Variants in PPM1H observed in about 807,000 individuals in gnomAD.
PPM1H encodes the protein protein phosphatase 1H.
PPM1H carries 27 observed loss-of-function variants against 54.9 expected under a neutral mutation model. That is an observed-to-expected ratio of 0.49 (90% CI 0.36 to 0.68). PPM1H has a LOEUF of 0.68. PPM1H is among the 30% of genes least tolerant of loss of function. The pLI is 0.00. For synonymous variants in PPM1H, 305 were observed against 270.8 expected (o/e 1.13, Z -1.24); for missense variants, 596 against 667.8 (o/e 0.89, Z 1.19).
intron 6 of PPM1H, among the ~76,000 whole-genome samples, chr12:62,700,920 T>C (rs938754601): frequency 6.6e-6 from 1 of 152,196 alleles, no homozygotes; most frequent in Non-Finnish European, 1.5e-5. Flanking sequence ...CTTTCCTGCT[T>C]TATTTTTTTT....
intron 2 of PPM1H, among the ~76,000 whole-genome samples, chr12:62,803,423 G>T (rs1002171127): frequency 5.3e-5 from 8 of 152,100 alleles, no homozygotes; most frequent in African/African-American, 1.9e-4. Flanking sequence ...CTTTGACAAG[G>T]GTACCAAGAA....
intron 2 of PPM1H, among the ~76,000 whole-genome samples, chr12:62,821,383 C>A (rs139262625): frequency 0.017 from 2,630 of 152,242 alleles, 86 homozygotes; most frequent in African/African-American, 0.06. Flanking sequence ...CCCAGCCTAG[C>A]AAGGCAGGCC....
At chr12:62,762,589 C>T (rs967600664) in intron 4 of PPM1H, among the ~76,000 whole-genome samples, 3 of 152,196 alleles carry the variant, frequency 2.0e-5, no homozygotes, top group Non-Finnish European at 4.4e-5. Flanking sequence ...GTGGAGGGTG[C>T]TAGGGGGAGG....
In PPM1H at chr12:62,724,942, G is replaced by T. The variant is rs890200955; in HGVS notation, c.955-4653C>A. 6.6e-5 allele frequency among the ~76,000 whole-genome samples: 10 copies of T among 152,148 alleles called. No individual in the cohort carries two copies. In the East Asian group the frequency reaches 1.7e-3, roughly 26 times the overall value. Reference sequence around the variant, plus strand: ...TCATCATTTTTCAACTCTGAATCATGTATGTTCATAATTTTCCACACAGAA... The same window carrying T: ...TCATCATTTTTCAACTCTGAATCATTTATGTTCATAATTTTCCACACAGAA... On this transcript the variant is annotated intron_variant, in intron 5 of 9. Transcript: ENST00000228705.
chr12:62,650,823 A>G (rs1415982358), intron 9 of PPM1H, among the ~76,000 whole-genome samples: 1 of 152,134 alleles, frequency 6.6e-6, no homozygotes, highest in Non-Finnish European at 1.5e-5. Flanking sequence ...CTCGGTCCCC[A>G]TGATCTAATT....
intron 1 of PPM1H, among the ~76,000 whole-genome samples, chr12:62,930,615 C>T (rs1872102923): frequency 6.6e-6 from 1 of 152,096 alleles, no homozygotes; most frequent in Non-Finnish European, 1.5e-5. Context: ...GAAAAAAAGC[C>T]AAAATGGGTT....
At chr12:62,703,530 C>T (rs74098812) in intron 6 of PPM1H, among the ~76,000 whole-genome samples, 5,714 of 151,942 alleles carry the variant, frequency 0.038, 320 homozygotes, top group African/African-American at 0.13. Flanking sequence ...GGGAGGAGGC[C>T]GGAGCACAGA....
At chr12:62,815,438 A>T (rs2076860868) in intron 2 of PPM1H, among the ~76,000 whole-genome samples, 1 of 152,204 alleles carries the variant, frequency 6.6e-6, no homozygotes, top group Non-Finnish European at 1.5e-5. Flanking sequence ...AGGAAGTACA[A>T]AGTTTATAAC....
intron 4 of PPM1H, among the ~76,000 whole-genome samples, chr12:62,743,685 T>C (rs751485356): frequency 2.0e-5 from 3 of 151,538 alleles, no homozygotes; most frequent in Non-Finnish European, 4.4e-5. Context: ...AGGACTGACA[T>C]GTGCCAACAG....
At chr12:62,693,378 A>C (rs1345079197) in intron 7 of PPM1H, among the ~76,000 whole-genome samples, 1 of 152,198 alleles carries the variant, frequency 6.6e-6, no homozygotes, top group Non-Finnish European at 1.5e-5. Flanking sequence ...GTCTAATTAC[A>C]GTGACGCTTT....
intron 1 of PPM1H, among the ~76,000 whole-genome samples, chr12:62,920,364 T>C (rs1246194613): frequency 3.9e-5 from 6 of 152,174 alleles, no homozygotes; most frequent in Admixed American, 3.9e-4. Context: ...TCTCACTCTG[T>C]CACCCAAGCT....
chr12:62,680,069 T>A (rs2076010432), intron 8 of PPM1H, among the ~76,000 whole-genome samples: 1 of 152,114 alleles, frequency 6.6e-6, no homozygotes, highest in Admixed American at 6.5e-5. Context: ...TGGATCCAAT[T>A]CCCCTAACTT....
chr12:62,931,918 C>T (rs1872147941), intron 1 of PPM1H, among the ~76,000 whole-genome samples: 2 of 152,066 alleles, frequency 1.3e-5, no homozygotes, highest in East Asian at 3.9e-4. Context: ...TGTGAAAATG[C>T]TACAGAATAA....
chr12:62,786,301 C>A (rs1430036882), intron 4 of PPM1H, among the ~76,000 whole-genome samples: 1 of 152,234 alleles, frequency 6.6e-6, no homozygotes, highest in Non-Finnish European at 1.5e-5. Context: ...CCATAGATTC[C>A]TGTCTTTGAA....
intron 1 of PPM1H, among the ~76,000 whole-genome samples, chr12:62,868,138 G>A (rs1295313612): frequency 6.6e-6 from 1 of 152,178 alleles, no homozygotes; most frequent in Non-Finnish European, 1.5e-5. Flanking sequence ...CCTGCAGTGT[G>A]CTACCAAGGA....
chr12:62,853,224 T>G (rs745337021), intron 1 of PPM1H, among the ~76,000 whole-genome samples: 17 of 151,874 alleles, frequency 1.1e-4, no homozygotes, highest in Non-Finnish European at 2.1e-4. Flanking sequence ...GTTAGATAAT[T>G]TAAAAGGATT....
At chr12:62,728,695 C>A (rs77780830) in intron 5 of PPM1H, among the ~76,000 whole-genome samples, 7,358 of 152,194 alleles carry the variant, frequency 0.048, 249 homozygotes, top group Non-Finnish European at 0.074. Context: ...TGAGCTCCAC[C>A]TTCCTGGGCT....
intron 3 of PPM1H, among the ~76,000 whole-genome samples, chr12:62,800,929 G>A (rs2076764596): frequency 6.6e-6 from 1 of 152,154 alleles, no homozygotes; most frequent in South Asian, 2.1e-4. Context: ...GGCCAACAGC[G>A]AAGGATGATG....
At chr12:62,679,000 T>C (rs1420555439) in intron 8 of PPM1H, among the ~76,000 whole-genome samples, 1 of 151,870 alleles carries the variant, frequency 6.6e-6, no homozygotes, top group Non-Finnish European at 1.5e-5. Flanking sequence ...ATACTCTTTG[T>C]TTTTTGAGAC....
Sources: allele counts gnomAD v4.1 joint callset (sites outside exome capture counted in the v4.1 genomes callset), GRCh38; gene constraint gnomAD v4.1.1; transcripts MANE v1.5; gene names NCBI Gene and HGNC (gene_info 2026-07-23, HGNC 2026-07-21).